The following ZNF582 variants were observed in gnomAD, a reference collection of about 807,000 sequenced individuals.
ZNF582 encodes zinc finger protein 582.
ZNF582 carries 14 observed loss-of-function variants against 12.3 expected under a neutral mutation model. That is an observed-to-expected ratio of 1.14 (90% confidence interval 0.75 to 1.78). The LOEUF (loss-of-function observed/expected upper bound fraction) is 1.78, where lower values mean the gene tolerates loss of function less well. ZNF582 is among the 40% of genes most tolerant of loss of function. ZNF582 has a pLI of 0.00. For synonymous variants in ZNF582, 210 were observed against 207.2 expected, an observed-to-expected ratio of 1.01 and a Z score of -0.11; for missense variants, 567 against 616.5, an observed-to-expected ratio of 0.92 and a Z score of 0.85.
chr19:56,393,511 G>A (rs1490829928), exon 1 of ZNF582: 3 of 498,752 alleles, frequency 6.0e-6, no homozygotes, highest in East Asian at 5.8e-5. Context: ...CTTCCACCAC[G>A]GTACCGGTGG....
At chr19:56,390,122 C>T in intron 3 of ZNF582, 26 bp from the exon 4 acceptor site, 3 of 1,609,564 alleles carry the variant, frequency 1.9e-6, no homozygotes, top group South Asian at 2.2e-5. Context: ...AACATGCCAC[C>T]TGGTTATGGT....
At position 56,390,469 on chromosome 19, in the gene ZNF582, G is replaced by C. The variant is rs542133143; in HGVS notation, c.42C>G (p.Val14=). 1.1e-5 allele frequency: 17 copies of C among 1,614,122 alleles called. No homozygotes were observed. In the South Asian group the frequency reaches 1.5e-4, roughly 15 times the overall value. ...ACCACTGCCATTCTTCTTGGGAGAA[G>C]ACTATGGCCACATCCCTGAACAATT... Residue 14 remains valine (V), a synonymous_variant, in exon 3 of 5, where the codon GTC becomes GTG. Transcript: ENST00000586929.
At chr19:56,384,363 A>T in exon 5 of ZNF582, 1 of 1,611,950 alleles carries the variant, frequency 6.2e-7, no homozygotes, top group Non-Finnish European at 8.5e-7. Flanking sequence ...ATAAGAGTTG[A>T]GCCTTGATTA....
chr19:56,386,509 G>C (rs2041967210), intron 4 of ZNF582: 1 of 152,360 alleles, frequency 6.6e-6, no homozygotes, highest in African/African-American at 2.4e-5. Flanking sequence ...AGTTGATTGA[G>C]GGTGGGTCCT....
At chr19:56,388,704 A>C (rs115511465) in intron 4 of ZNF582, among the ~76,000 whole-genome samples, 7,457 of 151,972 alleles carry the variant, frequency 0.049, 249 homozygotes, top group African/African-American at 0.086. Flanking sequence ...TCGATCTCGG[A>C]TCACTGCAAT....
exon 1 of ZNF582, chr19:56,393,479 G>A (rs1555820277): frequency 1.4e-5 from 7 of 513,166 alleles, no homozygotes; most frequent in Non-Finnish European, 2.3e-5. Flanking sequence ...CCGCGGCCGC[G>A]CCCCCGGCAG....
intron 2 of ZNF582, 69 bp downstream of exon 2, chr19:56,391,675 T>A: frequency 6.8e-7 from 1 of 1,465,484 alleles, no homozygotes; most frequent in Non-Finnish European, 9.6e-7. Flanking sequence ...GAACCAAATT[T>A]CTGGATGGAA....
rs1395435818 is a variant in ZNF582 at position 56,384,267 on chromosome 19, G to A, written c.1150C>T (p.Gln384Ter). 27 of 1,613,964 alleles carry A rather than the reference G, an allele frequency of 1.7e-5. No individual in the cohort carries two copies. The highest frequency in any genetic ancestry group is 2.3e-5 in the Non-Finnish European group (27 of 1,180,006). The change falls in exon 5 of 5, where the codon CAA becomes TAA. Residue 384 changes from glutamine to a stop codon, truncating the protein, a stop_gained. Coordinates refer to ENST00000586929, the Ensembl canonical transcript of ZNF582. LOFTEE classifies it low-confidence loss of function (END_TRUNC). ...TCTCCAGTGTGAATTCTCTGATGTT[G>A]CTTGAGTTGTGAGCTCACTCTAAAG...
intron 4 of ZNF582, chr19:56,388,409 GT>G (rs1169843522): frequency 6.6e-6 from 1 of 152,108 alleles, no homozygotes; most frequent in Non-Finnish European, 1.5e-5. Context: ...TAAGAATAAA[GT>G]TTTTTTAAAA....
At chr19:56,390,228 T>A (rs944684281) in intron 3 of ZNF582, 132 bp from the exon 4 acceptor site, 61 of 1,361,352 alleles carry the variant, frequency 4.5e-5, no homozygotes, top group Non-Finnish European at 6.2e-5. Context: ...TGCCTGGGGG[T>A]AGGGGGATGC....
chr19:56,385,067 C>G, exon 5 of ZNF582: 1 of 1,614,114 alleles, frequency 6.2e-7, no homozygotes, highest in Non-Finnish European at 8.5e-7. Flanking sequence ...ATCTTGGAAA[C>G]TTGAACACTC....
At chr19:56,391,973 C>A in intron 1 of ZNF582, 141 bp from the exon 2 acceptor site, 2 of 658,546 alleles carry the variant, frequency 3.0e-6, no homozygotes, top group Non-Finnish European at 5.1e-6. Flanking sequence ...CTCACCCAAC[C>A]CCAGGAAACC....
chr19:56,392,509 AG>A (rs1163402045), intron 1 of ZNF582, among the ~76,000 whole-genome samples: 1 of 152,262 alleles, frequency 6.6e-6, no homozygotes, highest in East Asian at 1.9e-4. Flanking sequence ...TTTGCTAAAT[AG>A]GAGAACTGAA....
chr19:56,391,790 T>C, exon 2 of ZNF582: 3 of 1,614,196 alleles, frequency 1.9e-6, no homozygotes, highest in Non-Finnish European at 2.5e-6. Context: ...GTCCTCCTTC[T>C]GGTTCCTCTC....
chr19:56,390,662 G>C (rs2042007842), intron 2 of ZNF582, among the ~76,000 whole-genome samples, 161 bp from the exon 3 acceptor site: 1 of 152,166 alleles, frequency 6.6e-6, no homozygotes, highest in Non-Finnish European at 1.5e-5. Context: ...GAGTAAAACA[G>C]AATGATCAAA....
intron 4 of ZNF582, among the ~76,000 whole-genome samples, chr19:56,388,049 A>T (rs1049984065): frequency 1.3e-5 from 2 of 151,664 alleles, no homozygotes; most frequent in African/African-American, 4.8e-5. Flanking sequence ...ATGTACACGG[A>T]TGTCAATTGT....
chr19:56,384,422 A>C lies in ZNF582; in HGVS notation c.995T>G (p.Val332Gly), dbSNP rs762262675. The change falls in exon 5 of 5, where the codon GTT (valine) becomes GGT (glycine). Residue 332 changes from valine (V) to glycine (G), a missense_variant. Val to Gly is a moderately radical substitution (Grantham distance 109). Coordinates refer to ENST00000586929, the Ensembl canonical transcript of ZNF582. ...TTCATAGAGTTTCCTGCCAGTATGAACAGTCTGATGTTGAATCAACTGAGA... is the reference window on the plus strand; with the variant it reads ...TTCATAGAGTTTCCTGCCAGTATGACCAGTCTGATGTTGAATCAACTGAGA... The C allele has an allele frequency of 3.1e-6, 5 of 1,600,194 alleles. No homozygotes were observed. The African/African-American group carries it at 6.7e-5, about 22-fold the overall frequency.
exon 5 of ZNF582, chr19:56,383,950 G>A (rs2041939413): frequency 6.2e-7 from 1 of 1,613,430 alleles, no homozygotes; most frequent in Admixed American, 1.7e-5. Context: ...GGTAACTGCT[G>A]ATGGAAGGCT....
exon 5 of ZNF582, chr19:56,384,960 C>G (rs747330706): frequency 1.2e-5 from 20 of 1,613,956 alleles, no homozygotes; most frequent in Non-Finnish European, 1.6e-5. Context: ...GCATGCTGGT[C>G]AAAAGTGGGC....
Sources: allele counts gnomAD v4.1 joint callset (sites outside exome capture counted in the v4.1 genomes callset), GRCh38; gene constraint gnomAD v4.1.1; transcripts MANE v1.5; gene names NCBI Gene and HGNC (gene_info 2026-07-23, HGNC 2026-07-21).